Variants in UBE2D3 observed in about 807,000 individuals in gnomAD.
UBE2D3 encodes ubiquitin-conjugating enzyme E2 D3.
UBE2D3 carries 2 observed loss-of-function variants against 22.8 expected under a neutral mutation model. The observed-to-expected ratio is 0.09, with a 90% CI of 0.04 to 0.28. UBE2D3 has a LOEUF of 0.28. UBE2D3 is among the 10% of genes least tolerant of loss of function. UBE2D3 has a pLI of 1.00. For missense variants in UBE2D3, 27 were observed against 182.5 expected (o/e 0.15, Z 4.91); for synonymous variants, 56 against 60.4 (o/e 0.93, Z 0.34).
At chr4:102,824,087 T>G (rs1488172319) in intron 2 of UBE2D3, among the ~76,000 whole-genome samples, 1 of 152,198 alleles carries the variant, frequency 6.6e-6, no homozygotes, top group Admixed American at 6.5e-5. Context: ...CCTCATGTGA[T>G]TTTAACATTA....
intron 7 of UBE2D3, 116 bp from the exon 8 acceptor site, chr4:102,797,576 G>C: frequency 1.4e-6 from 1 of 707,936 alleles, no homozygotes; most frequent in South Asian, 2.8e-5. Flanking sequence ...CATCTCTAAT[G>C]ACTATGATTA....
At chr4:102,827,876 G>A (rs1248548770), upstream of UBE2D3, 4 of 985,696 alleles carry the variant, frequency 4.1e-6, no homozygotes, top group Non-Finnish European at 3.6e-6. Flanking sequence ...TGGGAGGAAG[G>A]TAAAGGAAGC....
intron 1 of UBE2D3, among the ~76,000 whole-genome samples, chr4:102,842,722 G>C (rs1317740780): frequency 3.9e-5 from 6 of 152,118 alleles, no homozygotes; most frequent in Admixed American, 6.5e-5. Context: ...CAAAGAAAAA[G>C]GCAAAATATG....
intron 1 of UBE2D3, among the ~76,000 whole-genome samples, chr4:102,840,651 T>G (rs984075978): frequency 5.3e-5 from 8 of 152,170 alleles, no homozygotes; most frequent in African/African-American, 1.7e-4. Flanking sequence ...GAATGTTTAA[T>G]AGCAGAGTAG....
At chr4:102,852,861 C>G (rs1275085858) in intron 1 of UBE2D3, among the ~76,000 whole-genome samples, 2 of 152,108 alleles carry the variant, frequency 1.3e-5, no homozygotes, top group Non-Finnish European at 2.9e-5. Flanking sequence ...CTATCTATAA[C>G]AATACCCTTT....
intron 1 of UBE2D3, among the ~76,000 whole-genome samples, chr4:102,836,359 C>G (rs1322968086): frequency 6.6e-6 from 1 of 151,946 alleles, no homozygotes; most frequent in East Asian, 1.9e-4. Flanking sequence ...GTTGGCCAGG[C>G]TGGTCTCGAA....
intron 1 of UBE2D3, among the ~76,000 whole-genome samples, chr4:102,866,287 C>T (rs1465402124): frequency 1.3e-5 from 2 of 152,176 alleles, no homozygotes; most frequent in African/African-American, 4.8e-5. Context: ...CTTGCATTCA[C>T]TACATTTTTT....
At chr4:102,806,151 C>G (rs534201031) in intron 4 of UBE2D3, among the ~76,000 whole-genome samples, 29 of 152,238 alleles carry the variant, frequency 1.9e-4, no homozygotes, top group Non-Finnish European at 3.8e-4. Flanking sequence ...ATTCCAACTC[C>G]TAAGTACATA....
chr4:102,826,654 C>A lies in UBE2D3; in HGVS notation c.-128-18G>T. 1.3e-6 allele frequency: 2 copies of A among 1,550,508 alleles called. No individual in the cohort carries two copies. The highest frequency in any genetic ancestry group is 1.4e-5 in the African/African-American group (1 of 72,660). ...ACAGGCGCCTTTTGCAAAAACGGAG[C>A]AGATCAGCACTCGCACAGGCCCCGA... On this transcript the variant is annotated intron_variant, in intron 1 of 7. Coordinates refer to ENST00000453744, the MANE Select transcript of UBE2D3 (RefSeq NM_181891.3).
At chr4:102,826,692 G>A (rs773260827) in intron 1 of UBE2D3, 56 bp from the exon 2 acceptor site, 13 of 1,482,488 alleles carry the variant, frequency 8.8e-6, no homozygotes, top group African/African-American at 1.4e-5. Flanking sequence ...AGCCCCTGAT[G>A]AATCCAGGTC....
At chr4:102,852,109 T>A (rs1454460261) in intron 1 of UBE2D3, among the ~76,000 whole-genome samples, 3 of 152,190 alleles carry the variant, frequency 2.0e-5, no homozygotes, top group Non-Finnish European at 4.4e-5. Flanking sequence ...TGATACGCCC[T>A]TAGAAAGAAG....
At chr4:102,822,073 A>G (rs866406045) in intron 2 of UBE2D3, among the ~76,000 whole-genome samples, 2 of 152,248 alleles carry the variant, frequency 1.3e-5, no homozygotes, top group South Asian at 4.1e-4. Context: ...AGGGTCACCT[A>G]AACTCAGGGG....
chr4:102,825,402 A>G, intron 2 of UBE2D3: 1 of 1,030,604 alleles, frequency 9.7e-7, no homozygotes, highest in South Asian at 3.1e-5. Context: ...AATTTAGGTA[A>G]GTTTTGAGCA....
At chr4:102,827,047 G>T in intron 1 of UBE2D3, 1 of 992,116 alleles carries the variant, frequency 1.0e-6, no homozygotes, top group Non-Finnish European at 1.2e-6. Flanking sequence ...TCTGTCCAAA[G>T]GTGCGGCCGG....
At chr4:102,815,611 A>G (rs1416866148) in intron 2 of UBE2D3, among the ~76,000 whole-genome samples, 1 of 152,194 alleles carries the variant, frequency 6.6e-6, no homozygotes, top group Non-Finnish European at 1.5e-5. Context: ...AAATGCTAGC[A>G]TTATCATCCT....
At chr4:102,853,424 A>C (rs748367645) in intron 1 of UBE2D3, among the ~76,000 whole-genome samples, 2 of 152,114 alleles carry the variant, frequency 1.3e-5, no homozygotes, top group Non-Finnish European at 2.9e-5. Flanking sequence ...AAGACTGAAA[A>C]CAATGTCCAT....
intron 1 of UBE2D3, among the ~76,000 whole-genome samples, chr4:102,847,267 T>G (rs959622860): frequency 1.7e-4 from 26 of 152,138 alleles, no homozygotes; most frequent in Admixed American, 8.5e-4. Flanking sequence ...AGAGTTCTCA[T>G]GCTCCACATA....
chr4:102,856,780 T>C (rs558058139), intron 1 of UBE2D3, among the ~76,000 whole-genome samples: 65 of 152,318 alleles, frequency 4.3e-4, no homozygotes, highest in African/African-American at 1.5e-3. Flanking sequence ...TACAATTTGC[T>C]TTTTTCATTC....
At chr4:102,832,025 C>T (rs1380831772), upstream of UBE2D3, among the ~76,000 whole-genome samples, 1 of 152,056 alleles carries the variant, frequency 6.6e-6, no homozygotes, top group Non-Finnish European at 1.5e-5. Flanking sequence ...TTGAGGAGAC[C>T]AGTAAGCATC....
Sources: gnomAD v4.1 joint callset for allele counts (sites outside exome capture counted in the v4.1 genomes callset) on GRCh38, gnomAD v4.1.1 for gene constraint, MANE v1.5 for transcripts, NCBI Gene and HGNC (gene_info 2026-07-23, HGNC 2026-07-21) for gene names.